The following RADX variants were observed in gnomAD, a reference collection of about 807,000 sequenced individuals.
The protein encoded by RADX is RPA-related protein RADX.
Under a neutral mutation model 61.6 loss-of-function variants are expected in RADX, and 36 were observed. The observed-to-expected ratio is 0.58, with a 90% CI of 0.45 to 0.77. The LOEUF (loss-of-function observed/expected upper bound fraction) is 0.77. Ranked by LOEUF, RADX falls within the 30% of genes least tolerant of loss-of-function variation. The pLI is 0.00. For missense variants in RADX, 497 were observed against 651.1 expected (o/e 0.76, Z 2.58); for synonymous variants, 272 against 237.9 (o/e 1.14, Z -1.32).
intron 11 of RADX, among the ~76,000 whole-genome samples, chrX:106,661,621 G>C (rs1442438187): frequency 9.1e-6 from 1 of 110,247 alleles, no homozygotes; most frequent in African/African-American, 3.3e-5. Context: ...TTTATTTTAG[G>C]CTCAAATTTC....
chrX:106,639,777 G>A (rs778553174), intron 9 of RADX, 90 bp downstream of exon 9: 10 of 699,376 alleles, frequency 1.4e-5, no homozygotes, highest in South Asian at 9.8e-5. Flanking sequence ...CAGAACTCAC[G>A]TGTATTGACT....
chrX:106,642,351 T>C (rs1354445424), intron 10 of RADX, among the ~76,000 whole-genome samples: 1 of 111,372 alleles, frequency 9.0e-6, no homozygotes, highest in Non-Finnish European at 1.9e-5. Flanking sequence ...TCTTATTCAT[T>C]CTTTCTAGCT....
chrX:106,612,187 G>A lies in RADX; in HGVS notation c.107G>A (p.Arg36Lys). 1 of 1,211,871 alleles carries A rather than the reference G, an allele frequency of 8.3e-7. No individual in the cohort carries two copies. Among genetic ancestry groups the A allele is most frequent in the Non-Finnish European group, 1.1e-6 (1 of 895,514 alleles). ...RAGVPGGVIR[R>K]AGSQGPRSWI... ...GGGGTCCCGGGAGGGGTGATCCGAA[G>A]AGCTGGTTCCCAAGGGCCCAGGTCC... is the stretch of plus-strand genomic sequence containing the variant. Residue 36 changes from arginine (R) to lysine (K), a missense_variant, in exon 1 of 14, where the codon AGA (arginine) becomes AAA (lysine). By Grantham distance (26) the Arg-to-Lys change is conservative. This residue lies in a region of RADX where 34 missense variants were observed against 29.1 expected (regional missense o/e 1.17). Transcript: ENST00000372548.
chrX:106,630,344 A>G, intron 3 of RADX, among the ~76,000 whole-genome samples: 1 of 104,290 alleles, frequency 9.6e-6, no homozygotes, highest in Non-Finnish European at 2.0e-5. Flanking sequence ...AAACAAACAA[A>G]CAAAAAAAAA....
At position 106,612,008 on chromosome X, in the gene RADX, G is replaced by C; in HGVS notation, c.-73G>C. 1.8e-6 allele frequency: 2 copies of C among 1,087,338 alleles called. No individual in the cohort carries two copies. Among genetic ancestry groups the C allele is most frequent in the Admixed American group, 2.8e-5 (1 of 35,597 alleles). 89.6% of individuals were successfully genotyped at this position (1,087,338 alleles called of 1,213,427 possible). On this transcript the variant is annotated 5_prime_UTR_variant, in exon 1 of 14. Transcript: ENST00000372548. ...AGTAGCGATCGTCGCCAAAGCGCGCGGTTTTATTTCTCTCCGCTTTGGACG... is the reference window on the plus strand; with the variant it reads ...AGTAGCGATCGTCGCCAAAGCGCGCCGTTTTATTTCTCTCCGCTTTGGACG...
At chrX:106,644,194 AATATAAAATC>A (rs1475189392) in intron 10 of RADX, among the ~76,000 whole-genome samples, 4 of 111,436 alleles carry the variant, frequency 3.6e-5, no homozygotes, top group African/African-American at 9.7e-5. Flanking sequence ...AGTTTTTCCA[AATATAAAATC>A]ATATCCTCTG....
At position 106,675,009 on chromosome X, in the gene RADX, C is replaced by G. The variant is rs1420580461; in HGVS notation, c.2438-3119C>G. On this transcript the variant is annotated intron_variant, in intron 13 of 13. Coordinates refer to ENST00000372548, the MANE Select transcript of RADX (RefSeq NM_018015.6). ...ACTGCACTCCAGCCTGGCAACAGAG[C>G]GAGACTCCATCTCAAAAAAAAAAAA... Among the ~76,000 whole-genome samples, 3 of 100,814 alleles carry G rather than the reference C, an allele frequency of 3.0e-5. No individual in the cohort carries two copies. In the East Asian group the frequency reaches 9.0e-4, roughly 30 times the overall value. 87.5% of individuals were successfully genotyped at this position (100,814 alleles called of 115,157 possible).
In RADX at chrX:106,635,887, C is replaced by T. The variant is rs770256941; in HGVS notation, c.1304-656C>T. Among the ~76,000 whole-genome samples, 3 of 112,187 alleles carry T rather than the reference C, an allele frequency of 2.7e-5. No homozygotes were observed. In the East Asian group the frequency reaches 8.4e-4, roughly 31 times the overall value. ...GTTGAAAGTAGTTGAAATCTGAAGA[C>T]ATTATACTCTCATTTTTAGATATTC... On this transcript the variant is annotated intron_variant, in intron 6 of 13. Transcript: ENST00000372548.
chrX:106,624,834 C>A (rs750385158), intron 2 of RADX, among the ~76,000 whole-genome samples: 4 of 111,369 alleles, frequency 3.6e-5, no homozygotes, highest in Admixed American at 9.6e-5. Context: ...GCCTTTTAGG[C>A]CCAACTGAAG....
intron 12 of RADX, among the ~76,000 whole-genome samples, chrX:106,664,804 A>C (rs1182361479): frequency 9.1e-6 from 1 of 109,349 alleles, no homozygotes; most frequent in African/African-American, 3.3e-5. Flanking sequence ...CATTCAGTCT[A>C]CTCCATTCAT....
chrX:106,632,313 A>G (rs1927254836), intron 3 of RADX, among the ~76,000 whole-genome samples: 1 of 112,024 alleles, frequency 8.9e-6, no homozygotes, highest in Non-Finnish European at 1.9e-5. Flanking sequence ...AATGCAGAAT[A>G]TAATTTCACT....
intron 11 of RADX, among the ~76,000 whole-genome samples, chrX:106,653,504 G>GTTTTATTTTA (rs60789629): frequency 1.7e-3 from 174 of 102,431 alleles, no homozygotes; most frequent in African/African-American, 4.7e-3. Context: ...ATGGGATTAT[G>GTTTTATTTTA]TTTTATTTTA....
intron 12 of RADX, among the ~76,000 whole-genome samples, chrX:106,662,878 A>G (rs891212678): frequency 9.0e-6 from 1 of 110,844 alleles, no homozygotes; most frequent in Admixed American, 9.6e-5. Context: ...AGAGGTAGCT[A>G]TGGAACTTAC....
chrX:106,678,115 T>C lies in RADX; in HGVS notation c.2438-13T>C, dbSNP rs1454810267. 8.8e-7 allele frequency: 1 copy of C among 1,142,164 alleles called. No individual in the cohort carries two copies. The highest frequency in any genetic ancestry group is 3.0e-5 in the East Asian group (1 of 33,446). The allele number at this position is 1,142,164 out of a possible 1,213,427, so 94.1% of individuals were successfully genotyped here. ...CTATTTTACAGTACTTACCATCTGCTTTTTACTTTTAGGTGATATTATAAA... is the reference window on the plus strand; with the variant it reads ...CTATTTTACAGTACTTACCATCTGCCTTTTACTTTTAGGTGATATTATAAA... On this transcript the variant is annotated splice_polypyrimidine_tract_variant and intron_variant, in intron 13 of 13. Transcript: ENST00000372548.
chrX:106,655,515 CAGTGCTTGA>C (rs1927917500), intron 11 of RADX, among the ~76,000 whole-genome samples: 1 of 108,363 alleles, frequency 9.2e-6, no homozygotes, highest in Non-Finnish European at 1.9e-5. Flanking sequence ...TGACAGGCCC[CAGTGCTTGA>C]TGTTCCCTAC....
chrX:106,625,267 C>A lies in RADX; in HGVS notation c.964C>A (p.Leu322Ile), dbSNP rs1927050445. The change falls in exon 3 of 14, where the codon CTA (leucine) becomes ATA (isoleucine). Residue 322 changes from leucine to isoleucine, a missense_variant. Leu to Ile is a conservative substitution (Grantham distance 5). This residue lies in a region of RADX where 196 missense variants were observed against 315.0 expected (regional missense o/e 0.62). Transcript: ENST00000372548. ...QPVPVDPQIK[L>I]ISTMEICLNL... ...TGTCCCCGTGGATCCACAGATCAAACTAATTTCTACAATGGGTTAAGTATT... is the reference window on the plus strand; with the variant it reads ...TGTCCCCGTGGATCCACAGATCAAAATAATTTCTACAATGGGTTAAGTATT... 1 of 1,163,549 alleles carries A rather than the reference C, an allele frequency of 8.6e-7. No individual in the cohort carries two copies. Among genetic ancestry groups the A allele is most frequent in the Non-Finnish European group, 1.2e-6 (1 of 867,218 alleles).
chrX:106,612,755 T>C, intron 1 of RADX, 32 bp downstream of exon 1: 5 of 1,141,812 alleles, frequency 4.4e-6, no homozygotes, highest in Non-Finnish European at 5.8e-6. Flanking sequence ...CAGAGGGTTT[T>C]AAAAAAAATA....
intron 11 of RADX, among the ~76,000 whole-genome samples, chrX:106,656,515 A>G (rs944694256): frequency 7.1e-5 from 8 of 112,184 alleles, no homozygotes; most frequent in African/African-American, 2.3e-4. Context: ...GCCCAGATCC[A>G]TCAGAGGAAT....
At chrX:106,641,631 T>G (rs1443012204) in intron 10 of RADX, among the ~76,000 whole-genome samples, 1 of 111,129 alleles carries the variant, frequency 9.0e-6, no homozygotes, top group Non-Finnish European at 1.9e-5. Flanking sequence ...TTTTAAGGCT[T>G]CAGAATTATT....
Sources: allele counts gnomAD v4.1 joint callset (sites outside exome capture counted in the v4.1 genomes callset), GRCh38; gene constraint gnomAD v4.1.1; regional missense constraint gnomAD v4.1.1; transcripts MANE v1.5; gene names NCBI Gene and HGNC (gene_info 2026-07-23, HGNC 2026-07-21).